NARF: variants seen among roughly 807,000 people sequenced by gnomAD.
NARF encodes the protein iron-only hydrogenase-like protein 2.
Under a neutral mutation model 48.0 loss-of-function variants are expected in NARF, and 41 were observed. That is an observed-to-expected ratio of 0.85 (90% CI 0.66 to 1.11). The LOEUF (loss-of-function observed/expected upper bound fraction) is 1.11. Ranked by LOEUF, NARF falls within the 50% of genes least tolerant of loss-of-function variation. The pLI, the probability that NARF is intolerant of heterozygous loss-of-function variation, is 0.00. For missense variants in NARF, 613 were observed against 590.2 expected (o/e 1.04, Z -0.40); for synonymous variants, 215 against 225.5 (o/e 0.95, Z 0.42).
At chr17:82,478,242 C>T (rs1673385558) in intron 5 of NARF, among the ~76,000 whole-genome samples, 1 of 152,206 alleles carries the variant, frequency 6.6e-6, no homozygotes, top group South Asian at 2.1e-4. Context: ...CACTCAACCT[C>T]AGGAAAGTGC....
chr17:82,481,169 GC>G lies in NARF; in HGVS notation c.728del (p.Ala243ValfsTer12). 1 of 1,614,106 alleles carries G rather than the reference GC, an allele frequency of 6.2e-7. No homozygotes were observed. Among genetic ancestry groups the G allele is most frequent in the Non-Finnish European group, 8.5e-7 (1 of 1,180,008 alleles). The stretch of plus-strand genomic sequence containing the variant: ...GGCTCTTCAGGAAAGCCTTCCCCCT[GC>G]TTTGCATGGCTCCCGGGGCGCTGAC... ...LEALQESLPP[A>X]LHGSRGADCV... On this transcript the variant is annotated frameshift_variant, in exon 7 of 11. Coordinates refer to ENST00000309794, the MANE Select transcript of NARF (RefSeq NM_012336.4). LOFTEE classifies it high-confidence loss of function.
At chr17:82,478,525 T>G in intron 5 of NARF, 1 of 522,924 alleles carries the variant, frequency 1.9e-6, no homozygotes, top group Non-Finnish European at 3.7e-6. Flanking sequence ...TTCACCTTTT[T>G]GGGGGACCTG....
chr17:82,480,303 A>G (rs1260378846), intron 6 of NARF: 1 of 400,082 alleles, frequency 2.5e-6, no homozygotes, highest in Non-Finnish European at 4.4e-6. Flanking sequence ...ACACACACAC[A>G]CACACACACT....
At position 82,490,103 on chromosome 17, in the gene NARF, C is replaced by T. The variant is rs901372; in HGVS notation, c.*1946C>T. On this transcript the variant is annotated 3_prime_UTR_variant, in exon 11 of 11. Coordinates refer to ENST00000309794, the MANE Select transcript of NARF (RefSeq NM_012336.4). ...TCAGCCTCCCAAAATGCTGGGATTA[C>T]AGGCGTGAGCCACTGCACCTGGCAA... is the stretch of plus-strand genomic sequence containing the variant. 0.45 allele frequency: 68,213 copies of T among 152,198 alleles called. 17,077 individuals are homozygous for T. The highest frequency in any genetic ancestry group is 0.9 in the East Asian group (4,632 of 5,172). 9.4% of individuals were successfully genotyped at this position (152,198 alleles called of 1,614,324 possible).
At chr17:82,459,233 G>C (rs1162677571) in intron 1 of NARF, 1 of 997,050 alleles carries the variant, frequency 1.0e-6, no homozygotes, top group Non-Finnish European at 1.2e-6. Context: ...GGGCGGAAGC[G>C]GGTGACGGCT....
intron 5 of NARF, among the ~76,000 whole-genome samples, chr17:82,473,928 A>G (rs989447558): frequency 1.3e-5 from 2 of 152,176 alleles, no homozygotes; most frequent in East Asian, 3.8e-4. Context: ...TCACAGCCAT[A>G]ATCCCAACAA....
At chr17:82,480,282 A>AGC (rs200052015) in intron 6 of NARF, 95 of 363,560 alleles carry the variant, frequency 2.6e-4, no homozygotes, top group East Asian at 7.5e-4. Flanking sequence ...TGAAGTAGCC[A>AGC]GCGCGCGCAC....
Position 82,460,081 on chromosome 17 carries a change from A to G in NARF, c.108+9A>G, listed in dbSNP as rs140134932. On this transcript the variant is annotated intron_variant, in intron 2 of 10. Coordinates refer to ENST00000309794, the MANE Select transcript of NARF (RefSeq NM_012336.4). The stretch of plus-strand genomic sequence containing the variant: ...CCCAGGAAAATGGAGAGGCAAGTAG[A>G]TTTTTCAGTTTTGTATCAGCCCAGA... 35 of 1,612,590 alleles carry G rather than the reference A, an allele frequency of 2.2e-5. No homozygotes were observed. In the African/African-American group the frequency reaches 4.3e-4, roughly 20 times the overall value.
At chr17:82,477,475 G>T (rs2043859010) in intron 5 of NARF, among the ~76,000 whole-genome samples, 1 of 152,040 alleles carries the variant, frequency 6.6e-6, no homozygotes, top group Middle Eastern at 3.4e-3. Context: ...CTGCACTCCA[G>T]CCTGGGTGAC....
intron 4 of NARF, among the ~76,000 whole-genome samples, chr17:82,471,205 C>T (rs1024651153): frequency 1.3e-5 from 2 of 151,004 alleles, no homozygotes; most frequent in African/African-American, 4.9e-5. Context: ...CCTGTAATCC[C>T]AGCACTTTGG....
upstream of NARF, chr17:82,458,591 G>A (rs1368203023): frequency 1.8e-6 from 1 of 567,094 alleles, no homozygotes; most frequent in Non-Finnish European, 2.7e-6. Context: ...CACTGTCATT[G>A]GCCTAGGCAA....
chr17:82,474,795 G>A (rs1406221979), intron 5 of NARF, among the ~76,000 whole-genome samples: 1 of 152,184 alleles, frequency 6.6e-6, no homozygotes, highest in Non-Finnish European at 1.5e-5. Flanking sequence ...TGCATTGGTT[G>A]GCTCGTTATT....
intron 5 of NARF, among the ~76,000 whole-genome samples, chr17:82,474,753 T>G (rs1012177379): frequency 6.6e-6 from 1 of 152,168 alleles, no homozygotes; most frequent in African/African-American, 2.4e-5. Context: ...TTATAAAATA[T>G]AAAGAGGAAA....
In NARF at chr17:82,464,426, A is replaced by G. The variant is rs761292994; in HGVS notation, c.248A>G (p.Asn83Ser). ...AKDFFRVLNL[N>S]KKCDTSKHKV... ...GACTTCTTCCGCGTTCTGAACCTTAACAAGGTAAGGCATTCGGGGCATTTG... is the reference window on the plus strand; with the variant it reads ...GACTTCTTCCGCGTTCTGAACCTTAGCAAGGTAAGGCATTCGGGGCATTTG... The change falls in exon 3 of 11, where the codon AAC becomes AGC. Residue 83 changes from asparagine to serine, a missense_variant. Asn to Ser is a conservative substitution (Grantham distance 46). Transcript: ENST00000309794. 1.1e-5 allele frequency: 17 copies of G among 1,612,312 alleles called. No individual in the cohort carries two copies. The highest frequency in any genetic ancestry group is 1.3e-5 in the Non-Finnish European group (15 of 1,178,946).
Position 82,488,619 on chromosome 17 carries a change from C to T in NARF, c.*462C>T, listed in dbSNP as rs182868973. The T allele has an allele frequency of 7.6e-4, 122 of 161,574 alleles. No homozygotes were observed. Among genetic ancestry groups the T allele is most frequent in the African/African-American group, 2.7e-3 (114 of 41,636 alleles). 10.0% of individuals were successfully genotyped at this position (161,574 alleles called of 1,614,324 possible). A position where few individuals can be genotyped will look rare whatever the true frequency, so the allele number is the denominator to read the frequency against. On this transcript the variant is annotated 3_prime_UTR_variant, in exon 11 of 11. Coordinates refer to ENST00000309794, the MANE Select transcript of NARF (RefSeq NM_012336.4). ...TGAATTCCTGACCTCCTGATCCACC[C>T]GCCTTGGCCTCCCAAAGTGCCAGGA... is the stretch of plus-strand genomic sequence containing the variant.
chr17:82,468,070 G>A (rs550143321), intron 3 of NARF, among the ~76,000 whole-genome samples: 1 of 152,214 alleles, frequency 6.6e-6, no homozygotes, highest in Non-Finnish European at 1.5e-5. Flanking sequence ...CCAGCACTTT[G>A]GGAGGCCGAG....
chr17:82,484,664 G>T, intron 8 of NARF, 149 bp from the exon 9 acceptor site: 7 of 954,840 alleles, frequency 7.3e-6, no homozygotes, highest in Non-Finnish European at 1.0e-5. Flanking sequence ...GCTAGAATGG[G>T]ACTTTCTGCA....
chr17:82,470,127 G>A (rs2143866004), intron 4 of NARF, among the ~76,000 whole-genome samples: 1 of 152,246 alleles, frequency 6.6e-6, no homozygotes, highest in South Asian at 2.1e-4. Context: ...AATGATATTT[G>A]GAATAAGGAT....
At chr17:82,481,244 G>A (rs2043958341) in intron 7 of NARF, 33 bp downstream of exon 7, 2 of 1,611,250 alleles carry the variant, frequency 1.2e-6, no homozygotes, top group African/African-American at 2.7e-5. Flanking sequence ...CCTGGGCGCT[G>A]GGGTAATCTC....
Sources: gnomAD v4.1 joint callset for allele counts (sites outside exome capture counted in the v4.1 genomes callset) on GRCh38, gnomAD v4.1.1 for gene constraint, MANE v1.5 for transcripts, NCBI Gene and HGNC (gene_info 2026-07-23, HGNC 2026-07-21) for gene names.